Variants in TALDO1 observed in about 807,000 individuals in gnomAD.
The protein encoded by TALDO1 is transaldolase 1, also known as transaldolase.
TALDO1 carries 29 observed loss-of-function variants against 38.1 expected under a neutral mutation model. The observed-to-expected ratio is 0.76, with a 90% CI of 0.57 to 1.04. The LOEUF (loss-of-function observed/expected upper bound fraction) is 1.04. TALDO1 is among the 50% of genes least tolerant of loss of function. The pLI is 0.00. For missense variants in TALDO1, 499 were observed against 438.1 expected, an observed-to-expected ratio of 1.14 and a Z score of -1.24; for synonymous variants, 207 against 176.8, an observed-to-expected ratio of 1.17 and a Z score of -1.36.
intron 2 of TALDO1, among the ~76,000 whole-genome samples, chr11:758,382 G>A (rs1035055841): frequency 1.3e-5 from 2 of 152,008 alleles, no homozygotes; most frequent in African/African-American, 4.8e-5. Context: ...GGGAGGTCAA[G>A]GCTGTAATGA....
Position 763,769 on chromosome 11 carries a change from C to T in TALDO1, c.660C>T (p.Ile220=), listed in dbSNP as rs759052251. ...CAGGGGTAAAGAGTGTCACTAAAATCTACAACTACTACAAGAAGTTTAGCT... is the reference window on the plus strand; with the variant it reads ...CAGGGGTAAAGAGTGTCACTAAAATTTACAACTACTACAAGAAGTTTAGCT... ...EDPGVKSVTK[I]YNYYKKFSYK... Residue 220 remains isoleucine (I), a synonymous_variant, in exon 6 of 8, where the codon ATC becomes ATT. Transcript: ENST00000319006. The T allele has an allele frequency of 6.2e-7, 1 of 1,614,036 alleles. No homozygotes were observed. The highest frequency in any genetic ancestry group is 8.5e-7 in the Non-Finnish European group (1 of 1,180,022).
intron 1 of TALDO1, chr11:752,594 A>T (rs1862768905): frequency 1.3e-5 from 2 of 152,178 alleles, no homozygotes; most frequent in African/African-American, 4.8e-5. Context: ...AAGGCCCAAG[A>T]GGACAGGGTT....
At position 758,927 on chromosome 11, in the gene TALDO1, CT is replaced by C. The variant is rs34225557; in HGVS notation, c.222-16del. On this transcript the variant is annotated intron_variant, in intron 2 of 7. Coordinates refer to ENST00000319006, the MANE Select transcript of TALDO1 (RefSeq NM_006755.2). Reference sequence around the variant, plus strand: ...GCGAACCTCAGAAGCTTCTAACCTGCTTTTTTTCCCTTTGAATTTCAGGTCA... The same window carrying C: ...GCGAACCTCAGAAGCTTCTAACCTGCTTTTTTCCCTTTGAATTTCAGGTCA... 365,366 of 1,599,584 alleles carry C rather than the reference CT, an allele frequency of 0.23. 45,216 individuals are homozygous for C. Among genetic ancestry groups the C allele is most frequent in the African/African-American group, 0.45 (33,851 of 74,510 alleles).
intron 1 of TALDO1, among the ~76,000 whole-genome samples, chr11:753,452 A>G (rs1449944349): frequency 2.0e-5 from 3 of 151,668 alleles, no homozygotes; most frequent in Admixed American, 6.6e-5. Flanking sequence ...AATGGCGTGA[A>G]CCCGGGAGGC....
At chr11:753,551 AC>A (rs1862784950) in intron 1 of TALDO1, among the ~76,000 whole-genome samples, 1 of 149,274 alleles carries the variant, frequency 6.7e-6, no homozygotes, top group African/African-American at 2.5e-5. Flanking sequence ...AAATACAAAT[AC>A]AAAAAAAAAA....
At chr11:748,941 C>G (rs911573798) in intron 1 of TALDO1, among the ~76,000 whole-genome samples, 1 of 152,182 alleles carries the variant, frequency 6.6e-6, no homozygotes, top group Admixed American at 6.5e-5. Flanking sequence ...ACAGAGCGCT[C>G]ATCTGTATTG....
chr11:759,429 T>C lies in TALDO1; in HGVS notation c.329+372T>C, dbSNP rs180933905. ...GCACCTGCCACCATGCCCAGCTAATTTGTTGTATTTTTAATAGAGATGGGG... is the reference window on the plus strand; with the variant it reads ...GCACCTGCCACCATGCCCAGCTAATCTGTTGTATTTTTAATAGAGATGGGG... On this transcript the variant is annotated intron_variant, in intron 3 of 7. Coordinates refer to ENST00000319006, the MANE Select transcript of TALDO1 (RefSeq NM_006755.2). Among the ~76,000 whole-genome samples the C allele has an allele frequency of 1.3e-4, 20 of 151,320 alleles. 1 individual carries two copies. In the East Asian group the frequency reaches 3.9e-3, roughly 29 times the overall value.
chr11:753,375 C>G (rs928867726), intron 1 of TALDO1, among the ~76,000 whole-genome samples: 1 of 151,830 alleles, frequency 6.6e-6, no homozygotes, highest in Non-Finnish European at 1.5e-5. Context: ...ACTAAAAATA[C>G]AAAAAACTAG....
At position 763,847 on chromosome 11, in the gene TALDO1, A is replaced by G. The variant is rs1380175472; in HGVS notation, c.738A>G (p.Ala246=). The G allele has an allele frequency of 1.9e-6, 3 of 1,614,026 alleles. No individual in the cohort carries two copies. Among genetic ancestry groups the G allele is most frequent in the Non-Finnish European group, 1.7e-6 (2 of 1,180,014 alleles). Residue 246 remains alanine (A), a synonymous_variant, in exon 6 of 8, where the codon GCA becomes GCG. Transcript: ENST00000319006. ...ASFRNTGEIK[A]LAGCDFLTIS... ...TCCGCAACACGGGCGAGATCAAAGC[A>G]CTGGCCGGCTGTGACTTCCTCACCA...
intron 1 of TALDO1, among the ~76,000 whole-genome samples, chr11:753,043 A>C (rs1862773854): frequency 6.6e-6 from 1 of 152,170 alleles, no homozygotes. Flanking sequence ...CACATCGGTC[A>C]CAGAAGTCCT....
chr11:757,913 G>A (rs1250408744), intron 2 of TALDO1, among the ~76,000 whole-genome samples: 1 of 152,152 alleles, frequency 6.6e-6, no homozygotes. Flanking sequence ...AAGATGGGAG[G>A]ATCCCTTCAG....
rs1024680861 is a variant in TALDO1 at position 751,008 on chromosome 11, G to A, written c.97+3430G>A. 3.3e-5 allele frequency among the ~76,000 whole-genome samples: 5 copies of A among 152,260 alleles called. No individual in the cohort carries two copies. In the South Asian group the frequency reaches 8.3e-4, roughly 25 times the overall value. On this transcript the variant is annotated intron_variant, in intron 1 of 7. Coordinates refer to ENST00000319006, the MANE Select transcript of TALDO1 (RefSeq NM_006755.2). Reference sequence around the variant, plus strand: ...TGGTTATGTGAGAAATAACTAATGTGTTAAAAGAAACAATAGTTTTAAGAA... The same window carrying A: ...TGGTTATGTGAGAAATAACTAATGTATTAAAAGAAACAATAGTTTTAAGAA...
At chr11:758,592 T>A (rs1355610664) in intron 2 of TALDO1, among the ~76,000 whole-genome samples, 1 of 152,022 alleles carries the variant, frequency 6.6e-6, no homozygotes, top group East Asian at 1.9e-4. Flanking sequence ...CTTGTGCACT[T>A]GAACCTCAGA....
chr11:764,222 G>C (rs1378166978), intron 6 of TALDO1, 66 bp from the exon 7 acceptor site: 1 of 1,612,522 alleles, frequency 6.2e-7, no homozygotes, highest in Non-Finnish European at 8.5e-7. Flanking sequence ...TTCAGGCCCT[G>C]AGCCCAAGGG....
intron 4 of TALDO1, 24 bp from the exon 5 acceptor site, chr11:763,310 ACCTGCCCCGC>A: frequency 3.1e-6 from 2 of 653,732 alleles, no homozygotes; most frequent in Non-Finnish European, 4.1e-6. Context: ...CCCCGCCCTC[ACCTGCCCCGC>A]CCTCACCTGT....
At chr11:748,416 AAAG>A (rs1452054510) in intron 1 of TALDO1, among the ~76,000 whole-genome samples, 4 of 71,920 alleles carry the variant, frequency 5.6e-5, no homozygotes, top group African/African-American at 8.6e-5. Flanking sequence ...TGGAAAATAC[AAAG>A]AAGGATTATT....
chr11:749,384 AG>A (rs1862713683), intron 1 of TALDO1, among the ~76,000 whole-genome samples: 1 of 142,396 alleles, frequency 7.0e-6, no homozygotes, highest in Non-Finnish European at 1.5e-5. Context: ...CCTGGGCGAC[AG>A]AGCAAAACTC....
Position 763,652 on chromosome 11 carries a change from G to A in TALDO1, c.638-95G>A, listed in dbSNP as rs1265477851. ...GGTCGGCGCGGGGCAGGCAGGGGTG[G>A]CGGCTCAAGGTAGTGCAGCCGGCAG... is the stretch of plus-strand genomic sequence containing the variant. On this transcript the variant is annotated intron_variant, in intron 5 of 7. Transcript: ENST00000319006. 25 of 1,566,484 alleles carry A rather than the reference G, an allele frequency of 1.6e-5. No homozygotes were observed. The Admixed American group carries it at 3.8e-4, about 24-fold the overall frequency.
intron 5 of TALDO1, 85 bp downstream of exon 5, chr11:763,604 A>G: frequency 1.3e-6 from 2 of 1,589,522 alleles, no homozygotes; most frequent in Non-Finnish European, 1.7e-6. Flanking sequence ...GAGCTGCCGC[A>G]TCAACAAGCA....
Sources: gnomAD v4.1 joint callset for allele counts (sites outside exome capture counted in the v4.1 genomes callset) on GRCh38, gnomAD v4.1.1 for gene constraint, MANE v1.5 for transcripts, NCBI Gene and HGNC (gene_info 2026-07-23, HGNC 2026-07-21) for gene names.